EPHA6: variants seen among roughly 807,000 people sequenced by gnomAD.
EPHA6 encodes ephrin type-A receptor 6.
Under a neutral mutation model 112.0 loss-of-function variants are expected in EPHA6, and 50 were observed. That is an observed-to-expected ratio of 0.45 (90% CI 0.36 to 0.56). The LOEUF (loss-of-function observed/expected upper bound fraction) is 0.56, where lower values mean the gene tolerates loss of function less well. Among genes scored for constraint, EPHA6 ranks in the 20% least tolerant of loss-of-function variants. The pLI is 0.00. For missense variants in EPHA6, 1,280 were observed against 1,417.4 expected, an observed-to-expected ratio of 0.90 and a Z score of 1.56; for synonymous variants, 529 against 490.7, an observed-to-expected ratio of 1.08 and a Z score of -1.03.
At chr3:97,129,298 G>A (rs2048270273) in intron 3 of EPHA6, among the ~76,000 whole-genome samples, 1 of 151,958 alleles carries the variant, frequency 6.6e-6, no homozygotes, top group African/African-American at 2.4e-5. Flanking sequence ...AGGAGATCGA[G>A]ACCATCCTGG....
At chr3:97,403,836 C>G (rs1166410416) in intron 5 of EPHA6, among the ~76,000 whole-genome samples, 1 of 152,112 alleles carries the variant, frequency 6.6e-6, no homozygotes, top group Non-Finnish European at 1.5e-5. Flanking sequence ...CAGTTTCTAA[C>G]CTTGTAGTGT....
chr3:96,939,414 C>T (rs2040803951), intron 2 of EPHA6, among the ~76,000 whole-genome samples: 1 of 152,182 alleles, frequency 6.6e-6, no homozygotes, highest in African/African-American at 2.4e-5. Flanking sequence ...GTAGTATTCT[C>T]TGATGGTAGT....
chr3:97,096,820 CT>C (rs1216394967), intron 3 of EPHA6, among the ~76,000 whole-genome samples: 3 of 151,678 alleles, frequency 2.0e-5, no homozygotes, highest in African/African-American at 7.3e-5. Context: ...ATAGTATAAT[CT>C]TTTTTTATAT....
intron 2 of EPHA6, among the ~76,000 whole-genome samples, chr3:96,941,813 A>G (rs914181759): frequency 2.0e-5 from 3 of 152,114 alleles, no homozygotes; most frequent in Admixed American, 6.5e-5. Context: ...TTTTCCTTCC[A>G]ACAGACTGGA....
At chr3:97,158,141 C>T (rs534765364) in intron 3 of EPHA6, among the ~76,000 whole-genome samples, 7 of 152,256 alleles carry the variant, frequency 4.6e-5, no homozygotes, top group South Asian at 4.1e-4. Flanking sequence ...GATGTTAACT[C>T]TTCTCCTTGA....
intron 1 of EPHA6, among the ~76,000 whole-genome samples, chr3:96,830,901 C>T (rs1458619409): frequency 1.3e-5 from 2 of 151,940 alleles, no homozygotes; most frequent in African/African-American, 4.8e-5. Context: ...GTTAAGTGTT[C>T]TCACTGCACA....
At chr3:96,972,856 T>C (rs953701048) in intron 2 of EPHA6, among the ~76,000 whole-genome samples, 6 of 152,206 alleles carry the variant, frequency 3.9e-5, no homozygotes, top group Admixed American at 1.3e-4. Context: ...ATTTTGGAAA[T>C]AAAAGTTTAT....
intron 7 of EPHA6, among the ~76,000 whole-genome samples, chr3:97,450,696 A>G (rs1037165291): frequency 1.3e-5 from 2 of 152,132 alleles, no homozygotes; most frequent in African/African-American, 4.8e-5. Flanking sequence ...AACTCAGTAC[A>G]ATTCACTCAT....
chr3:97,065,320 TGTTCAAA>T (rs1350497362), intron 3 of EPHA6, among the ~76,000 whole-genome samples: 2 of 152,170 alleles, frequency 1.3e-5, no homozygotes, highest in Non-Finnish European at 2.9e-5. Context: ...CTTGGTTAAA[TGTTCAAA>T]GTAGAGTCCA....
chr3:97,695,548 C>G (rs540845801), intron 14 of EPHA6, among the ~76,000 whole-genome samples: 26 of 152,256 alleles, frequency 1.7e-4, no homozygotes, highest in Admixed American at 7.8e-4. Context: ...ACAGGTGACA[C>G]TTTATTTATT....
intron 3 of EPHA6, among the ~76,000 whole-genome samples, chr3:96,994,593 A>T (rs2043333037): frequency 6.6e-6 from 1 of 151,564 alleles, no homozygotes; most frequent in South Asian, 2.1e-4. Context: ...GCTCCTCTTA[A>T]ACATTAATTT....
At chr3:97,207,072 C>A (rs1382789451) in intron 3 of EPHA6, among the ~76,000 whole-genome samples, 2 of 151,890 alleles carry the variant, frequency 1.3e-5, no homozygotes, top group East Asian at 3.9e-4. Flanking sequence ...TTACAATTTG[C>A]AAATAACTCT....
intron 14 of EPHA6, among the ~76,000 whole-genome samples, chr3:97,663,457 C>T (rs190338214): frequency 0.013 from 1,965 of 151,500 alleles, 39 homozygotes; most frequent in African/African-American, 0.045. Flanking sequence ...TTACATTAGG[C>T]ATATCTCCTA....
At chr3:97,213,048 T>A (rs1403464960) in intron 3 of EPHA6, among the ~76,000 whole-genome samples, 4 of 152,196 alleles carry the variant, frequency 2.6e-5, no homozygotes, top group Admixed American at 2.6e-4. Context: ...CTTTGGCATG[T>A]TAAATAGAAT....
intron 6 of EPHA6, among the ~76,000 whole-genome samples, chr3:97,407,614 C>T (rs1251317799): frequency 3.3e-5 from 5 of 152,028 alleles, no homozygotes; most frequent in Admixed American, 6.6e-5. Context: ...AGTCACTTTT[C>T]TTTTTCATAC....
At chr3:97,328,196 T>C (rs2082579759) in intron 5 of EPHA6, among the ~76,000 whole-genome samples, 2 of 151,578 alleles carry the variant, frequency 1.3e-5, no homozygotes, top group South Asian at 4.1e-4. Flanking sequence ...ACATAAGTTA[T>C]CATTTCTCTG....
In EPHA6 at chr3:97,586,670, G is replaced by A. The variant is rs114512120; in HGVS notation, c.2387-5942G>A. 6.9e-3 allele frequency among the ~76,000 whole-genome samples: 1,043 copies of A among 152,132 alleles called. 5 individuals carry two copies. Among genetic ancestry groups the A allele is most frequent in the African/African-American group, 0.023 (958 of 41,510 alleles). ...GGAGACAGAAGATAGAAAGATGGTA[G>A]GTAGGTCAGTACTTAGATAGATGGA... On this transcript the variant is annotated intron_variant, in intron 11 of 17. Transcript: ENST00000389672.
chr3:97,115,813 G>A (rs2047869671), intron 3 of EPHA6, among the ~76,000 whole-genome samples: 1 of 151,744 alleles, frequency 6.6e-6, no homozygotes, highest in African/African-American at 2.4e-5. Flanking sequence ...TAGGATGTCG[G>A]AGTTAAGAAT....
At chr3:97,655,776 G>C (rs999016054) in intron 14 of EPHA6, among the ~76,000 whole-genome samples, 41 of 147,448 alleles carry the variant, frequency 2.8e-4, no homozygotes, top group Non-Finnish European at 4.6e-4. Flanking sequence ...GGAGGGGGGA[G>C]GGATAGCATT....
Sources: gnomAD v4.1 joint callset for allele counts (sites outside exome capture counted in the v4.1 genomes callset) on GRCh38, gnomAD v4.1.1 for gene constraint, MANE v1.5 for transcripts, NCBI Gene and HGNC (gene_info 2026-07-23, HGNC 2026-07-21) for gene names.